The following PRSS23 variants were observed in gnomAD, a reference collection of about 807,000 sequenced individuals.
The protein encoded by PRSS23 is serine protease 23.
PRSS23 carries 25 observed loss-of-function variants against 34.7 expected under a neutral mutation model. The ratio of observed to expected loss-of-function variants is 0.72; its 90% CI spans 0.53 to 1.01. The LOEUF is 1.01. Ranked by LOEUF, PRSS23 falls within the 50% of genes least tolerant of loss-of-function variation. The pLI is 0.00. For synonymous variants in PRSS23, 176 were observed against 186.6 expected (o/e 0.94, Z 0.46); for missense variants, 445 against 475.6 (o/e 0.94, Z 0.60).
chr11:86,949,738 T>C (rs1262279998), intron 2 of PRSS23: 3 of 152,698 alleles, frequency 2.0e-5, no homozygotes, highest in Non-Finnish European at 4.4e-5. Flanking sequence ...TTGCAGTTCA[T>C]TTCATATGGT....
chr11:86,854,544 T>C (rs1231024398), intron 2 of PRSS23, among the ~76,000 whole-genome samples: 1 of 152,252 alleles, frequency 6.6e-6, no homozygotes, highest in Non-Finnish European at 1.5e-5. Flanking sequence ...TAATTTTCTT[T>C]TGTTGCCTAT....
chr11:86,813,956 A>G (rs188717151), downstream of PRSS23, among the ~76,000 whole-genome samples: 1 of 152,316 alleles, frequency 6.6e-6, no homozygotes, highest in Admixed American at 6.5e-5. Flanking sequence ...TATATATTTG[A>G]AAGTAGAGCC....
At chr11:86,843,755 G>A (rs1274420866) in intron 2 of PRSS23, among the ~76,000 whole-genome samples, 1 of 152,150 alleles carries the variant, frequency 6.6e-6, no homozygotes, top group Admixed American at 6.6e-5. Context: ...TCATTAAAAA[G>A]TCAGGAAACA....
chr11:86,842,514 G>A (rs1183352980), intron 2 of PRSS23, among the ~76,000 whole-genome samples: 2 of 152,162 alleles, frequency 1.3e-5, no homozygotes, highest in African/African-American at 4.8e-5. Context: ...CGACATGATT[G>A]TATATTTAGA....
At chr11:86,952,047 T>C in exon 3 of PRSS23, 1 of 1,614,072 alleles carries the variant, frequency 6.2e-7, no homozygotes, top group Non-Finnish European at 8.5e-7. Flanking sequence ...GTCAGTACTG[T>C]GAAGGCAGTG....
intron 2 of PRSS23, among the ~76,000 whole-genome samples, chr11:86,918,265 C>T (rs1367714921): frequency 6.6e-6 from 1 of 152,110 alleles, no homozygotes; most frequent in African/African-American, 2.4e-5. Context: ...TGCCAAAGTG[C>T]TTATTGGGAG....
Position 86,943,041 on chromosome 11 carries a change from A to T in PRSS23, c.207-8175A>T, listed in dbSNP as rs181590571. Among the ~76,000 whole-genome samples the T allele has an allele frequency of 3.9e-3, 599 of 152,384 alleles. 2 individuals carry two copies. The highest frequency in any genetic ancestry group is 7.4e-3 in the Admixed American group (113 of 15,310). ...TGGGAAAGAGAAAAAATCAGTTCTC[A>T]GGACCGAAATGCTAAAAACCCTTGG... On this transcript the variant is annotated intron_variant, in intron 2 of 2. Transcript: ENST00000533902.
intron 2 of PRSS23, among the ~76,000 whole-genome samples, chr11:86,886,935 T>A (rs989619776): frequency 3.9e-5 from 6 of 151,996 alleles, no homozygotes; most frequent in African/African-American, 1.5e-4. Context: ...AGAGTGAGAC[T>A]CCATCTAAAA....
chr11:86,948,433 G>C (rs1949262406), intron 2 of PRSS23: 1 of 152,128 alleles, frequency 6.6e-6, no homozygotes, highest in African/African-American at 2.4e-5. Context: ...TGATGGAGTT[G>C]ATTGAAGGTC....
chr11:86,813,553 A>G (rs2135607719), downstream of PRSS23, among the ~76,000 whole-genome samples: 4 of 152,368 alleles, frequency 2.6e-5, 1 homozygote, highest in Admixed American at 2.6e-4. Context: ...CGACTTATCC[A>G]TGAAGGGACA....
intron 2 of PRSS23, among the ~76,000 whole-genome samples, chr11:86,832,322 A>C (rs1948364583): frequency 1.3e-5 from 2 of 152,058 alleles, no homozygotes; most frequent in African/African-American, 4.8e-5. Context: ...TTTTCACAAT[A>C]TTTTAGGGAA....
At chr11:86,948,997 A>G (rs1949267518) in intron 2 of PRSS23, 1 of 152,600 alleles carries the variant, frequency 6.6e-6, no homozygotes, top group Non-Finnish European at 1.5e-5. Flanking sequence ...GGAACTGTCT[A>G]CAAGCAGCAC....
intron 2 of PRSS23, among the ~76,000 whole-genome samples, chr11:86,859,683 A>C (rs528188027): frequency 6.6e-6 from 1 of 152,112 alleles, no homozygotes; most frequent in South Asian, 2.1e-4. Flanking sequence ...TATTACTCCC[A>C]ATATCCCAGA....
At chr11:86,823,395 G>A (rs1218057501) in exon 2 of PRSS23, 3 of 702,306 alleles carry the variant, frequency 4.3e-6, no homozygotes, top group South Asian at 3.0e-5. Flanking sequence ...CTAATGAGTA[G>A]AATGAGACCT....
upstream of PRSS23, chr11:86,800,486 T>C (rs967473247): frequency 1.4e-3 from 1,399 of 984,032 alleles, 23 homozygotes; most frequent in African/African-American, 0.023. Flanking sequence ...CGGGCGGGCC[T>C]CGGGTGGCGC....
At chr11:86,904,445 C>T (rs1948929708) in intron 2 of PRSS23, among the ~76,000 whole-genome samples, 1 of 152,076 alleles carries the variant, frequency 6.6e-6, no homozygotes, top group Admixed American at 6.5e-5. Context: ...CTGGAGTACC[C>T]ATCTTATCCT....
At chr11:86,814,981 G>A (rs1013653771), downstream of PRSS23, among the ~76,000 whole-genome samples, 11 of 152,104 alleles carry the variant, frequency 7.2e-5, no homozygotes, top group Admixed American at 3.3e-4. Context: ...CCTTGTCTTC[G>A]GGCTATTAAA....
intron 2 of PRSS23, among the ~76,000 whole-genome samples, chr11:86,845,537 C>T (rs1263300813): frequency 2.0e-5 from 3 of 152,176 alleles, no homozygotes; most frequent in Non-Finnish European, 4.4e-5. Flanking sequence ...TGATGAGTCT[C>T]AGAATGAGAG....
chr11:86,924,151 AC>A (rs2135006795), intron 2 of PRSS23, among the ~76,000 whole-genome samples: 1 of 152,250 alleles, frequency 6.6e-6, no homozygotes, highest in East Asian at 1.9e-4. Flanking sequence ...GCTTCAGAAG[AC>A]AAGGCTGGGA....
Sources: allele counts gnomAD v4.1 joint callset (sites outside exome capture counted in the v4.1 genomes callset), GRCh38; gene constraint gnomAD v4.1.1; transcripts MANE v1.5; gene names NCBI Gene and HGNC (gene_info 2026-07-23, HGNC 2026-07-21).